The following ARL8B variants were observed in gnomAD, a reference collection of about 807,000 sequenced individuals.
The protein encoded by ARL8B is ARF like GTPase 8B.
Under a neutral mutation model 30.6 loss-of-function variants are expected in ARL8B, and 9 were observed. That is an observed-to-expected ratio of 0.29 (90% CI 0.18 to 0.51). The LOEUF is 0.51. Ranked by LOEUF, ARL8B falls within the 20% of genes least tolerant of loss-of-function variation. The pLI, the probability that ARL8B is intolerant of heterozygous loss-of-function variation, is 0.97. For missense variants in ARL8B, 130 were observed against 227.2 expected, an observed-to-expected ratio of 0.57 and a Z score of 2.75; for synonymous variants, 74 against 76.0, an observed-to-expected ratio of 0.97 and a Z score of 0.14.
intron 1 of ARL8B, among the ~76,000 whole-genome samples, chr3:5,164,809 T>C (rs570553708): frequency 3.3e-5 from 5 of 152,338 alleles, no homozygotes; most frequent in African/African-American, 1.2e-4. Context: ...CAGTCTAGGA[T>C]CATGTACTGC....
intron 1 of ARL8B, among the ~76,000 whole-genome samples, chr3:5,123,547 T>C (rs182020916): frequency 6.6e-6 from 1 of 152,318 alleles, no homozygotes; most frequent in East Asian, 1.9e-4. Context: ...TGACTCAGTT[T>C]TAGCTGGTAG....
intron 1 of ARL8B, among the ~76,000 whole-genome samples, chr3:5,153,955 C>A (rs539801410): frequency 2.0e-5 from 3 of 151,646 alleles, no homozygotes; most frequent in Non-Finnish European, 4.4e-5. Flanking sequence ...TCCAGCACTT[C>A]GGAAGATGCT....
intron 1 of ARL8B, among the ~76,000 whole-genome samples, chr3:5,147,987 G>C (rs1323377485): frequency 2.0e-5 from 3 of 151,024 alleles, no homozygotes; most frequent in African/African-American, 7.3e-5. Flanking sequence ...TTGGTCCCTG[G>C]GATTATTATT....
At chr3:5,150,707 C>T (rs957714207) in intron 1 of ARL8B, among the ~76,000 whole-genome samples, 5 of 152,140 alleles carry the variant, frequency 3.3e-5, no homozygotes, top group African/African-American at 7.2e-5. Context: ...CACTTGAACC[C>T]GGGAGGGGAA....
At chr3:5,155,965 C>G (rs943391618) in intron 1 of ARL8B, among the ~76,000 whole-genome samples, 1 of 151,572 alleles carries the variant, frequency 6.6e-6, no homozygotes, top group Non-Finnish European at 1.5e-5. Context: ...TGCAGTGGCG[C>G]GATCTCAGCT....
chr3:5,122,369 A>C lies in ARL8B; in HGVS notation c.-97A>C. 2 of 1,576,762 alleles carry C rather than the reference A, an allele frequency of 1.3e-6. No homozygotes were observed. The highest frequency in any genetic ancestry group is 8.6e-7 in the Non-Finnish European group (1 of 1,163,242). On this transcript the variant is annotated 5_prime_UTR_variant, in exon 1 of 7. Coordinates refer to ENST00000256496, the MANE Select transcript of ARL8B (RefSeq NM_018184.3). ...CCCGTGTCGCGCCGGGGCACCAAGG[A>C]GCCGTTGGAGGGTCCGGGCGGAGGC...
chr3:5,135,213 C>CT (rs1449084541), intron 1 of ARL8B, among the ~76,000 whole-genome samples: 2 of 152,082 alleles, frequency 1.3e-5, no homozygotes, highest in Non-Finnish European at 2.9e-5. Context: ...TGTAATCATC[C>CT]TTTCCTCCCA....
intron 1 of ARL8B, among the ~76,000 whole-genome samples, chr3:5,168,728 G>C (rs891828340): frequency 6.6e-6 from 1 of 152,154 alleles, no homozygotes; most frequent in Admixed American, 6.5e-5. Flanking sequence ...GAAACATTGA[G>C]AACACATTAA....
At chr3:5,132,279 G>A (rs1400073774) in intron 1 of ARL8B, among the ~76,000 whole-genome samples, 1 of 151,516 alleles carries the variant, frequency 6.6e-6, no homozygotes, top group Non-Finnish European at 1.5e-5. Flanking sequence ...TTTTGAGGCA[G>A]AGTCTCACTC....
intron 6 of ARL8B, among the ~76,000 whole-genome samples, chr3:5,176,847 TC>T (rs1335688865): frequency 2.6e-5 from 4 of 152,160 alleles, no homozygotes; most frequent in African/African-American, 9.7e-5. Flanking sequence ...GGGGAGCTTT[TC>T]CCCCAGGAGA....
Position 5,122,310 on chromosome 3 carries a change from C to T in ARL8B, c.-156C>T. The T allele has an allele frequency of 2.0e-6, 3 of 1,515,484 alleles. No homozygotes were observed. The highest frequency in any genetic ancestry group is 1.8e-6 in the Non-Finnish European group (2 of 1,132,892). 93.9% of individuals were successfully genotyped at this position (1,515,484 alleles called of 1,614,324 possible). ...GCGAGTCATATGATCCGCTCGGCTT[C>T]CTGGGTCTGGCTGCTGCCGCCCGCC... is the stretch of plus-strand genomic sequence containing the variant. On this transcript the variant is annotated 5_prime_UTR_variant, in exon 1 of 7. Coordinates refer to ENST00000256496, the MANE Select transcript of ARL8B (RefSeq NM_018184.3).
At chr3:5,150,033 G>C (rs2054465944) in intron 1 of ARL8B, among the ~76,000 whole-genome samples, 2 of 152,210 alleles carry the variant, frequency 1.3e-5, no homozygotes, top group African/African-American at 2.4e-5. Context: ...TTTTAGGACA[G>C]TGTGTCAGTC....
intron 1 of ARL8B, among the ~76,000 whole-genome samples, chr3:5,124,798 A>G (rs1021099873): frequency 3.0e-4 from 46 of 152,188 alleles, no homozygotes; most frequent in African/African-American, 1.1e-3. Context: ...ATGAGGCATA[A>G]GCTTGAGTGA....
chr3:5,131,894 C>CT (rs1164108827), intron 1 of ARL8B, among the ~76,000 whole-genome samples: 1 of 150,886 alleles, frequency 6.6e-6, no homozygotes, highest in African/African-American at 2.4e-5. Context: ...TCATTCTTTC[C>CT]TTTTTTTGAG....
chr3:5,139,041 A>G (rs1301615068), intron 1 of ARL8B, among the ~76,000 whole-genome samples: 1 of 152,230 alleles, frequency 6.6e-6, no homozygotes, highest in African/African-American at 2.4e-5. Flanking sequence ...AAGATTCCAT[A>G]CACTGTAGTT....
At chr3:5,153,928 CTT>C (rs61072081) in intron 1 of ARL8B, among the ~76,000 whole-genome samples, 14 of 148,990 alleles carry the variant, frequency 9.4e-5, no homozygotes, top group African/African-American at 2.7e-4. Flanking sequence ...GACTGATAGT[CTT>C]TTTTTTTTTC....
chr3:5,145,156 C>T (rs957442936), intron 1 of ARL8B, among the ~76,000 whole-genome samples: 1 of 152,108 alleles, frequency 6.6e-6, no homozygotes, highest in South Asian at 2.1e-4. Flanking sequence ...TGGAGCTTCC[C>T]TAAGGTCAGG....
In ARL8B at chr3:5,179,571, A is replaced by C. The variant is rs2054759625; in HGVS notation, c.*858A>C. The C allele has an allele frequency of 6.5e-6, 1 of 152,674 alleles. No homozygotes were observed. The highest frequency in any genetic ancestry group is 1.5e-5 in the Non-Finnish European group (1 of 68,042). 9.5% of individuals were successfully genotyped at this position (152,674 alleles called of 1,614,324 possible). A position where few individuals can be genotyped will look rare whatever the true frequency, so the allele number is the denominator to read the frequency against. ...CCACCCAATATAATAAAACCTGTTAAGAATGTCAGTCTTTGTTCAAACATC... is the reference window on the plus strand; with the variant it reads ...CCACCCAATATAATAAAACCTGTTACGAATGTCAGTCTTTGTTCAAACATC... On this transcript the variant is annotated 3_prime_UTR_variant, in exon 7 of 7. Coordinates refer to ENST00000256496, the MANE Select transcript of ARL8B (RefSeq NM_018184.3).
chr3:5,176,491 A>G (rs1490484810), intron 6 of ARL8B, among the ~76,000 whole-genome samples: 1 of 152,166 alleles, frequency 6.6e-6, no homozygotes, highest in African/African-American at 2.4e-5. Flanking sequence ...TCAGCCTCCC[A>G]AAGTGCTTAG....
Sources: allele counts gnomAD v4.1 joint callset (sites outside exome capture counted in the v4.1 genomes callset), GRCh38; gene constraint gnomAD v4.1.1; transcripts MANE v1.5; gene names NCBI Gene and HGNC (gene_info 2026-07-23, HGNC 2026-07-21).